DLG2: variants seen among roughly 807,000 people sequenced by gnomAD.
DLG2 encodes disks large homolog 2.
DLG2 carries 45 observed loss-of-function variants against 132.5 expected under a neutral mutation model. The ratio of observed to expected loss-of-function variants is 0.34; its 90% CI spans 0.27 to 0.44. DLG2 has a LOEUF of 0.44. DLG2 is among the 20% of genes least tolerant of loss of function. DLG2 has a pLI of 1.00. For missense variants in DLG2, 1,045 were observed against 1,196.9 expected (o/e 0.87, Z 1.87); for synonymous variants, 424 against 419.6 (o/e 1.01, Z -0.13).
At chr11:84,276,044 C>A (rs1174728607) in intron 7 of DLG2, among the ~76,000 whole-genome samples, 1 of 152,076 alleles carries the variant, frequency 6.6e-6, no homozygotes, top group African/African-American at 2.4e-5. Context: ...TCAATGATTA[C>A]CCAGCTTAAA....
chr11:85,552,505 C>A (rs1377911110), intron 3 of DLG2, among the ~76,000 whole-genome samples: 2 of 150,818 alleles, frequency 1.3e-5, no homozygotes, highest in African/African-American at 2.4e-5. Flanking sequence ...AAAAATAAAA[C>A]AATCTGATAT....
intron 18 of DLG2, among the ~76,000 whole-genome samples, chr11:83,771,629 T>C (rs1346261949): frequency 6.6e-6 from 1 of 152,302 alleles, no homozygotes; most frequent in Middle Eastern, 3.4e-3. Context: ...TATCTAAACA[T>C]ATAAAAAGTA....
intron 3 of DLG2, among the ~76,000 whole-genome samples, chr11:85,298,913 C>G (rs1193589947): frequency 1.3e-5 from 2 of 152,020 alleles, no homozygotes; most frequent in Admixed American, 1.3e-4. Context: ...TGTACTTTCA[C>G]ATTTGAGATT....
At chr11:84,225,378 G>A (rs984247042) in intron 8 of DLG2, among the ~76,000 whole-genome samples, 1 of 152,212 alleles carries the variant, frequency 6.6e-6, no homozygotes, top group Non-Finnish European at 1.5e-5. Flanking sequence ...TAGGTTCAGG[G>A]AAGTTGGTCA....
chr11:85,481,013 G>A (rs574873526), intron 3 of DLG2, among the ~76,000 whole-genome samples: 13 of 152,186 alleles, frequency 8.5e-5, no homozygotes, highest in Non-Finnish European at 1.8e-4. Flanking sequence ...GGTTTAGCAA[G>A]TCACTTATTC....
chr11:85,624,130 C>T (rs1313535208), intron 2 of DLG2, among the ~76,000 whole-genome samples: 2 of 152,028 alleles, frequency 1.3e-5, no homozygotes, highest in Non-Finnish European at 2.9e-5. Flanking sequence ...TGTAAAAATG[C>T]GAAGAGACTA....
At chr11:84,094,468 T>A (rs1048535382) in intron 10 of DLG2, among the ~76,000 whole-genome samples, 6 of 152,146 alleles carry the variant, frequency 3.9e-5, no homozygotes, top group African/African-American at 1.4e-4. Flanking sequence ...TAAATGTTAG[T>A]GTTATTTAAC....
At chr11:83,629,381 C>T (rs1424531393) in intron 19 of DLG2, among the ~76,000 whole-genome samples, 5 of 152,144 alleles carry the variant, frequency 3.3e-5, no homozygotes, top group Admixed American at 1.3e-4. Flanking sequence ...AAAATCGATA[C>T]GTTTTATTAA....
At chr11:85,074,662 A>G (rs1390534658) in intron 6 of DLG2, among the ~76,000 whole-genome samples, 1 of 151,820 alleles carries the variant, frequency 6.6e-6, no homozygotes, top group Non-Finnish European at 1.5e-5. Flanking sequence ...AAAAACATCA[A>G]TAGGTTTGTA....
At chr11:84,482,496 G>C (rs2099140434) in intron 7 of DLG2, among the ~76,000 whole-genome samples, 2 of 152,182 alleles carry the variant, frequency 1.3e-5, no homozygotes, top group Admixed American at 1.3e-4. Flanking sequence ...ATAAAACCTT[G>C]AGCAAGCTCC....
At chr11:85,503,407 A>T (rs2093850478) in intron 3 of DLG2, among the ~76,000 whole-genome samples, 1 of 152,016 alleles carries the variant, frequency 6.6e-6, no homozygotes, top group Non-Finnish European at 1.5e-5. Flanking sequence ...TTGACTTCTA[A>T]CCAGTCTCCC....
chr11:85,233,329 G>A lies in DLG2; in HGVS notation c.186+51891C>T, dbSNP rs1158960330. On this transcript the variant is annotated intron_variant, in intron 4 of 27. Coordinates refer to ENST00000376104, the MANE Select transcript of DLG2 (RefSeq NM_001142699.3). ...ATTGATCACTCTCTCTTCAGAGTTT[G>A]TAAAACATCCTGTCCCAGGATTGAC... 2.2e-4 allele frequency among the ~76,000 whole-genome samples: 34 copies of A among 151,860 alleles called. No individual in the cohort carries two copies. The Admixed American group carries it at 2.2e-3, about 10-fold the overall frequency.
At chr11:84,952,314 G>A (rs2051040029) in intron 6 of DLG2, among the ~76,000 whole-genome samples, 1 of 152,150 alleles carries the variant, frequency 6.6e-6, no homozygotes, top group Admixed American at 6.5e-5. Context: ...GGGAGGCCGA[G>A]GTCAGGAGAT....
intron 5 of DLG2, among the ~76,000 whole-genome samples, chr11:85,147,279 T>C (rs1385624104): frequency 1.3e-5 from 2 of 152,180 alleles, no homozygotes; most frequent in Admixed American, 1.3e-4. Context: ...GAACGTTCTA[T>C]TCAGCCATCT....
intron 3 of DLG2, among the ~76,000 whole-genome samples, chr11:85,568,985 G>A (rs1425146482): frequency 6.6e-6 from 1 of 151,836 alleles, no homozygotes; most frequent in African/African-American, 2.4e-5. Context: ...AGTTCTTAAG[G>A]TGGAAGATTG....
At chr11:84,942,744 T>C (rs1200494629) in intron 6 of DLG2, among the ~76,000 whole-genome samples, 2 of 152,148 alleles carry the variant, frequency 1.3e-5, no homozygotes, top group Non-Finnish European at 2.9e-5. Flanking sequence ...GTCCATTTGG[T>C]CTATGGTGCA....
intron 19 of DLG2, among the ~76,000 whole-genome samples, chr11:83,571,263 A>C (rs1356030006): frequency 6.6e-6 from 1 of 152,078 alleles, no homozygotes; most frequent in Non-Finnish European, 1.5e-5. Context: ...TAACTCAAGC[A>C]ATTTAACAAA....
intron 19 of DLG2, among the ~76,000 whole-genome samples, chr11:83,545,315 G>T (rs901899787): frequency 6.6e-6 from 1 of 152,088 alleles, no homozygotes; most frequent in South Asian, 2.1e-4. Flanking sequence ...GTAAAGTATT[G>T]TAACACTAGC....
intron 7 of DLG2, among the ~76,000 whole-genome samples, chr11:84,459,301 T>C (rs2099073883): frequency 6.6e-6 from 1 of 150,802 alleles, no homozygotes; most frequent in Admixed American, 6.6e-5. Context: ...ATTTTAATTG[T>C]TGTATCTTTG....
Sources: allele counts gnomAD v4.1 joint callset (sites outside exome capture counted in the v4.1 genomes callset), GRCh38; gene constraint gnomAD v4.1.1; transcripts MANE v1.5; gene names NCBI Gene and HGNC (gene_info 2026-07-23, HGNC 2026-07-21).